Variants in RALGPS2 observed in about 807,000 individuals in gnomAD.
RALGPS2 encodes the protein ras-specific guanine nucleotide-releasing factor RalGPS2.
In RALGPS2, 43 loss-of-function variants were observed where a neutral mutation model predicts 86.8. The ratio of observed to expected loss-of-function variants is 0.50; its 90% confidence interval spans 0.39 to 0.64. The LOEUF is 0.64. Ranked by LOEUF, RALGPS2 falls within the 30% of genes least tolerant of loss-of-function variation. RALGPS2 has a pLI of 0.00. For synonymous variants in RALGPS2, 243 were observed against 231.3 expected (o/e 1.05, Z -0.46); for missense variants, 536 against 694.6 (o/e 0.77, Z 2.57).
chr1:178,751,941 T>A (rs1005184478), intron 1 of RALGPS2, among the ~76,000 whole-genome samples: 5 of 152,308 alleles, frequency 3.3e-5, no homozygotes, highest in Middle Eastern at 3.4e-3. Flanking sequence ...AGTCGGTTGC[T>A]GATAGAATAG....
Position 178,878,957 on chromosome 1 carries a change from AG to A in RALGPS2, c.802del (p.Glu268AsnfsTer15). ...ATCTCAACTCTGTTCAGTATATAGA[AG>A]AACTACAAAAATTTGTGGAAGACGA... ...KYLNSVQYIE[E>X]LQKFVEDDNY... is the part of the protein sequence containing the mutation. On this transcript the variant is annotated frameshift_variant, in exon 10 of 20. Transcript: ENST00000367635. LOFTEE classifies it high-confidence loss of function. 6.2e-7 allele frequency: 1 copy of A among 1,612,620 alleles called. No individual in the cohort carries two copies. The highest frequency in any genetic ancestry group is 1.1e-5 in the South Asian group (1 of 90,688).
chr1:178,848,905 C>T (rs1657004996), intron 8 of RALGPS2, among the ~76,000 whole-genome samples: 1 of 152,166 alleles, frequency 6.6e-6, no homozygotes, highest in Non-Finnish European at 1.5e-5. Flanking sequence ...CTTGGGATTA[C>T]AGATGTGAGC....
intron 1 of RALGPS2, among the ~76,000 whole-genome samples, chr1:178,748,370 T>C (rs1651460395): frequency 6.6e-6 from 1 of 151,666 alleles, no homozygotes; most frequent in Non-Finnish European, 1.5e-5. Context: ...GCTCCACTCC[T>C]AGGTATCTAC....
At chr1:178,739,215 T>C (rs1650887408) in intron 1 of RALGPS2, among the ~76,000 whole-genome samples, 1 of 152,230 alleles carries the variant, frequency 6.6e-6, no homozygotes, top group South Asian at 2.1e-4. Flanking sequence ...GGATATCTTA[T>C]GGATAAGAAA....
At chr1:178,890,995 G>A (rs1252533105) in intron 14 of RALGPS2, among the ~76,000 whole-genome samples, 1 of 151,958 alleles carries the variant, frequency 6.6e-6, no homozygotes, top group African/African-American at 2.4e-5. Flanking sequence ...AGAGTGTACT[G>A]TAATCTTTAT....
chr1:178,796,579 T>G (rs1330790981), intron 4 of RALGPS2, among the ~76,000 whole-genome samples: 2 of 152,180 alleles, frequency 1.3e-5, no homozygotes, highest in Non-Finnish European at 1.5e-5. Context: ...GTCTCTTATC[T>G]ACATACTAGT....
intron 1 of RALGPS2, among the ~76,000 whole-genome samples, chr1:178,755,957 T>C (rs557944499): frequency 6.6e-6 from 1 of 152,346 alleles, no homozygotes; most frequent in East Asian, 1.9e-4. Context: ...AACATTTTTA[T>C]ATGTTTCTTG....
At chr1:178,904,114 C>T (rs978929294) in intron 18 of RALGPS2, among the ~76,000 whole-genome samples, 1 of 152,104 alleles carries the variant, frequency 6.6e-6, no homozygotes, top group Admixed American at 6.5e-5. Flanking sequence ...TGATATGGAG[C>T]ATTTTTTCAT....
intron 7 of RALGPS2, among the ~76,000 whole-genome samples, chr1:178,832,252 C>T (rs1233375984): frequency 6.6e-6 from 1 of 152,118 alleles, no homozygotes; most frequent in East Asian, 1.9e-4. Context: ...CAAAGGACCC[C>T]TTGACGTTGT....
At chr1:178,867,001 CT>C (rs1225778796) in intron 8 of RALGPS2, among the ~76,000 whole-genome samples, 11 of 152,096 alleles carry the variant, frequency 7.2e-5, no homozygotes, top group Non-Finnish European at 1.5e-4. Context: ...TACAGGCCAC[CT>C]TTTCACTCTT....
chr1:178,864,995 T>C, intron 8 of RALGPS2: 1 of 1,471,388 alleles, frequency 6.8e-7, no homozygotes, highest in Non-Finnish European at 9.0e-7. Context: ...GAAAGGGCTT[T>C]TGGTGGGAGA....
chr1:178,909,145 A>T (rs1212131711), intron 19 of RALGPS2, among the ~76,000 whole-genome samples: 1 of 152,192 alleles, frequency 6.6e-6, no homozygotes, highest in African/African-American at 2.4e-5. Context: ...TCCTAGCAGC[A>T]TATTGAATAG....
At chr1:178,809,949 A>T (rs1456785772) in intron 5 of RALGPS2, among the ~76,000 whole-genome samples, 1 of 152,104 alleles carries the variant, frequency 6.6e-6, no homozygotes, top group Non-Finnish European at 1.5e-5. Flanking sequence ...GCTTAAAATC[A>T]CCACAGCATT....
intron 16 of RALGPS2, among the ~76,000 whole-genome samples, chr1:178,895,434 G>T (rs774957735): frequency 8.6e-5 from 13 of 152,024 alleles, no homozygotes; most frequent in Non-Finnish European, 1.8e-4. Context: ...CTTCCTCCTG[G>T]ATTACATTTC....
rs1647278328 is a variant in RALGPS2, at chr1:178,920,969, A to T, written c.*4610A>T. The T allele has an allele frequency of 6.6e-6, 1 of 152,094 alleles. No homozygotes were observed. Among genetic ancestry groups the T allele is most frequent in the African/African-American group, 2.4e-5 (1 of 41,454 alleles). The allele number at this position is 152,094 out of a possible 1,614,324, so 9.4% of individuals were successfully genotyped here. On this transcript the variant is annotated 3_prime_UTR_variant, in exon 20 of 20. Transcript: ENST00000367635. ...ATATCTCTAATATATAAGTTAAAGG[A>T]AAGTTAAGAGACTAAGCTAGTTTTT...
In RALGPS2 at chr1:178,877,169, A is replaced by G. The variant is rs144060600; in HGVS notation, c.608-329A>G. Among the ~76,000 whole-genome samples, 138 of 152,264 alleles carry G rather than the reference A, an allele frequency of 9.1e-4. 1 individual carries two copies. The East Asian group carries it at 0.015, about 16-fold the overall frequency. On this transcript the variant is annotated intron_variant, in intron 8 of 19. Coordinates refer to ENST00000367635, the MANE Select transcript of RALGPS2 (RefSeq NM_152663.5). ...ATGAAACTAGTCAGAGGCAGAGCCA[A>G]TTGAAGAACTCAGCTCCTTTCCATT...
At chr1:178,854,943 T>G (rs1382614415) in intron 8 of RALGPS2, among the ~76,000 whole-genome samples, 1 of 152,148 alleles carries the variant, frequency 6.6e-6, no homozygotes, top group East Asian at 1.9e-4. Flanking sequence ...TTCGAGCCTT[T>G]TTTATAAACA....
At position 178,833,403 on chromosome 1, in the gene RALGPS2, GT is replaced by G; in HGVS notation, c.481-16del. 19 of 1,484,408 alleles carry G rather than the reference GT, an allele frequency of 1.3e-5. No homozygotes were observed. Among genetic ancestry groups the G allele is most frequent in the Non-Finnish European group, 1.7e-5 (19 of 1,128,552 alleles). 92.0% of individuals were successfully genotyped at this position (1,484,408 alleles called of 1,614,324 possible). ...AAAATGAGATTTGTAAATAACTTAG[GT>G]TTTTCTGTTTGTTTTTTAGTTATTA... is the stretch of plus-strand genomic sequence containing the variant. On this transcript the variant is annotated intron_variant, in intron 7 of 19. Transcript: ENST00000367635.
intron 19 of RALGPS2, among the ~76,000 whole-genome samples, chr1:178,907,765 A>G (rs1003198577): frequency 6.6e-6 from 1 of 152,210 alleles, no homozygotes; most frequent in East Asian, 1.9e-4. Flanking sequence ...TGCACTATAT[A>G]AGCTTAGAAA....
Sources: allele counts gnomAD v4.1 joint callset (sites outside exome capture counted in the v4.1 genomes callset), GRCh38; gene constraint gnomAD v4.1.1; transcripts MANE v1.5; gene names NCBI Gene and HGNC (gene_info 2026-07-23, HGNC 2026-07-21).